CFAP20DC: variants seen among roughly 807,000 people sequenced by gnomAD.
CFAP20DC encodes protein CFAP20DC.
CFAP20DC carries 84 observed loss-of-function variants against 101.7 expected under a neutral mutation model. The ratio of observed to expected loss-of-function variants is 0.83; its 90% CI spans 0.69 to 0.99. The LOEUF is 0.99. CFAP20DC is among the 50% of genes least tolerant of loss of function. The pLI is 0.00. For missense variants in CFAP20DC, 1,007 were observed against 970.3 expected, an observed-to-expected ratio of 1.04 and a Z score of -0.50; for synonymous variants, 359 against 351.2, an observed-to-expected ratio of 1.02 and a Z score of -0.25.
rs775746080 is a variant in CFAP20DC, at chr3:58,764,271, AG to A, written c.2238-10409del. Among the ~76,000 whole-genome samples, 25 of 152,192 alleles carry A rather than the reference AG, an allele frequency of 1.6e-4. No homozygotes were observed. In the East Asian group the frequency reaches 4.5e-3, roughly 27 times the overall value. ...TCCTCCAGCCTTGCTGCCACCTTGT[AG>A]TTTGATCTCAGACTGCTGTGCTAGC... On this transcript the variant is annotated intron_variant, in intron 15 of 16. Transcript: ENST00000482387.
chr3:58,762,024 G>T (rs2107375973), intron 15 of CFAP20DC, among the ~76,000 whole-genome samples: 1 of 152,288 alleles, frequency 6.6e-6, no homozygotes, highest in Non-Finnish European at 1.5e-5. Flanking sequence ...TTGATTTGGG[G>T]TGGAGAGTTC....
chr3:58,811,274 T>C (rs994074626), intron 14 of CFAP20DC, among the ~76,000 whole-genome samples: 3 of 152,238 alleles, frequency 2.0e-5, no homozygotes, highest in Non-Finnish European at 4.4e-5. Flanking sequence ...AGAACAAAGC[T>C]GGAGGCATCA....
chr3:58,773,448 T>TG (rs60037692), intron 15 of CFAP20DC, among the ~76,000 whole-genome samples: 3,148 of 151,226 alleles, frequency 0.021, 118 homozygotes, highest in African/African-American at 0.071. Context: ...TTGGGCTACT[T>TG]GGGGGGCTGA....
chr3:58,918,485 A>C (rs2084977875), intron 5 of CFAP20DC, among the ~76,000 whole-genome samples: 1 of 152,108 alleles, frequency 6.6e-6, no homozygotes, highest in East Asian at 1.9e-4. Context: ...ATGGTCCTTT[A>C]ACTCTTTTTC....
chr3:58,816,669 C>T (rs1253610542), intron 14 of CFAP20DC, among the ~76,000 whole-genome samples: 2 of 152,166 alleles, frequency 1.3e-5, no homozygotes, highest in African/African-American at 2.4e-5. Context: ...ATTGCTAGCA[C>T]AGCAGTCTGA....
intron 12 of CFAP20DC, among the ~76,000 whole-genome samples, chr3:58,854,026 GA>G: frequency 6.6e-6 from 1 of 152,146 alleles, no homozygotes; most frequent in Non-Finnish European, 1.5e-5. Context: ...ATTCAATCAG[GA>G]AAAGAGGAAG....
Position 58,742,332 on chromosome 3 carries a change from T to C in CFAP20DC, c.*128A>G. The C allele has an allele frequency of 1.6e-6, 2 of 1,276,434 alleles. No homozygotes were observed. Among genetic ancestry groups the C allele is most frequent in the Non-Finnish European group, 2.0e-6 (2 of 1,003,714 alleles). 79.1% of individuals were successfully genotyped at this position (1,276,434 alleles called of 1,614,324 possible). A position where few individuals can be genotyped will look rare whatever the true frequency, so the allele number is the denominator to read the frequency against. ...CGTTGAACATTATTTACAAAATGAA[T>C]TCGTTTCTCTCAGTTACTGTTGATT... On this transcript the variant is annotated 3_prime_UTR_variant, in exon 17 of 17. Transcript: ENST00000482387.
intron 15 of CFAP20DC, among the ~76,000 whole-genome samples, chr3:58,761,843 G>A (rs2069636449): frequency 3.3e-5 from 5 of 152,208 alleles, no homozygotes; most frequent in South Asian, 4.2e-4. Flanking sequence ...GTAGTTGAGC[G>A]GTTTTGAGTG....
At chr3:58,764,283 G>C (rs562610085) in intron 15 of CFAP20DC, among the ~76,000 whole-genome samples, 1 of 152,154 alleles carries the variant, frequency 6.6e-6, no homozygotes, top group East Asian at 1.9e-4. Flanking sequence ...TTTGATCTCA[G>C]ACTGCTGTGC....
At chr3:58,734,477 G>A in intron 3 of CFAP20DC, 1 of 453,464 alleles carries the variant, frequency 2.2e-6, no homozygotes, top group Non-Finnish European at 4.4e-6. Flanking sequence ...CTTACCATGT[G>A]CTAAGTGCTT....
rs1281892742 is a variant in CFAP20DC, at chr3:58,788,522, T to TAGCC, written c.2237+17872_2237+17873insGGCT. Among the ~76,000 whole-genome samples, 1 of 152,146 alleles carries TAGCC rather than the reference T, an allele frequency of 6.6e-6. No homozygotes were observed. Among genetic ancestry groups the TAGCC allele is most frequent in the Non-Finnish European group, 1.5e-5 (1 of 68,028 alleles). ...TTCCTAAATCTCAGCAAGACGTGGC[T>TAGCC]GGTCACAAAATGGGATGCTAACATA... On this transcript the variant is annotated intron_variant, in intron 15 of 16. Transcript: ENST00000482387. This position sits in a 1 kb window ranked among gnomAD's most constrained non-coding sequence, Gnocchi z 4.2.
At chr3:58,940,710 C>T (rs1174314627) in intron 4 of CFAP20DC, among the ~76,000 whole-genome samples, 3 of 152,066 alleles carry the variant, frequency 2.0e-5, no homozygotes, top group African/African-American at 7.2e-5. Flanking sequence ...AGTCTTGAAA[C>T]CAGGTAAAGA....
intron 15 of CFAP20DC, among the ~76,000 whole-genome samples, chr3:58,798,293 G>T (rs1408008501): frequency 6.6e-6 from 1 of 152,158 alleles, no homozygotes; most frequent in Non-Finnish European, 1.5e-5. Flanking sequence ...ATATCAACAT[G>T]ACCAGAAGTT....
chr3:58,856,616 G>C (rs911180407), intron 12 of CFAP20DC, among the ~76,000 whole-genome samples: 2 of 152,106 alleles, frequency 1.3e-5, no homozygotes, highest in African/African-American at 4.8e-5. Context: ...AAGACTGTCA[G>C]AGCTATCTGA....
At chr3:58,815,357 T>C (rs1341608296) in intron 14 of CFAP20DC, among the ~76,000 whole-genome samples, 2 of 146,606 alleles carry the variant, frequency 1.4e-5, no homozygotes, top group African/African-American at 5.1e-5. Context: ...AAAAATCAAT[T>C]CAAGATGGAT....
intron 15 of CFAP20DC, among the ~76,000 whole-genome samples, chr3:58,792,542 T>C (rs1209367725): frequency 3.9e-5 from 6 of 152,088 alleles, no homozygotes; most frequent in Non-Finnish European, 8.8e-5. Flanking sequence ...GCTATTAAAA[T>C]CTCTATTTTA....
At chr3:59,024,326 T>C (rs2093854913) in intron 4 of CFAP20DC, among the ~76,000 whole-genome samples, 1 of 152,186 alleles carries the variant, frequency 6.6e-6, no homozygotes. Context: ...TCTATTGTAA[T>C]ATCTGGGCAA....
intron 4 of CFAP20DC, among the ~76,000 whole-genome samples, chr3:59,010,802 T>A (rs1223092100): frequency 6.6e-6 from 1 of 152,174 alleles, no homozygotes; most frequent in African/African-American, 2.4e-5. Context: ...AAACACCATA[T>A]AATAGGCCAA....
chr3:58,911,462 T>C lies in CFAP20DC; in HGVS notation c.550+2246A>G, dbSNP rs149626827. ...TTAGGAGAAGGAAGGAAGTGATGAT[T>C]GGGAGGAGACATAAGCAGGCTTGTA... On this transcript the variant is annotated intron_variant, in intron 6 of 16. Transcript: ENST00000482387. 4.5e-3 allele frequency among the ~76,000 whole-genome samples: 682 copies of C among 152,186 alleles called. 5 individuals are homozygous for C. The highest frequency in any genetic ancestry group is 0.016 in the African/African-American group (667 of 41,544).
Sources: gnomAD v4.1 joint callset for allele counts (sites outside exome capture counted in the v4.1 genomes callset) on GRCh38, gnomAD v4.1.1 for gene constraint, Gnocchi (gnomAD v3.1) non-coding constraint, MANE v1.5 for transcripts, NCBI Gene and HGNC (gene_info 2026-07-23, HGNC 2026-07-21) for gene names.